RPS24: variants seen among roughly 807,000 people sequenced by gnomAD.
RPS24 encodes the protein ribosomal protein S24, also known as small ribosomal subunit protein eS24.
For synonymous variants in RPS24, 72 were observed against 55.6 expected, an observed-to-expected ratio of 1.30 and a Z score of -1.31; for missense variants, 100 against 162.5, an observed-to-expected ratio of 0.62 and a Z score of 2.09.
chr10:78,039,900 A>AC, intron 4 of RPS24: 1 of 462,802 alleles, frequency 2.2e-6, no homozygotes, highest in Non-Finnish European at 4.0e-6. Flanking sequence ...TACTTCATTG[A>AC]CAAGTGGGCA....
Position 78,037,592 on chromosome 10 carries a change from G to GT in RPS24, c.390+292dup. On this transcript the variant is annotated intron_variant, in intron 4 of 5. Coordinates refer to ENST00000372360, the MANE Select transcript of RPS24 (RefSeq NM_033022.4). The stretch of plus-strand genomic sequence containing the variant: ...GCACCTTTCAAGCCTATCACAAGAA[G>GT]TTTTAATTTTACTAATTGGCATAGA... 1.0e-5 allele frequency: 4 copies of GT among 397,328 alleles called. No individual in the cohort carries two copies. The South Asian group carries it at 1.0e-4, about 10-fold the overall frequency. 24.6% of individuals were successfully genotyped at this position (397,328 alleles called of 1,614,324 possible).
chr10:78,048,360 G>C (rs933742318), intron 4 of RPS24, among the ~76,000 whole-genome samples: 4 of 151,826 alleles, frequency 2.6e-5, no homozygotes, highest in African/African-American at 9.7e-5. Context: ...CATTGCCTCG[G>C]AGGGTCTTTG....
intron 4 of RPS24, among the ~76,000 whole-genome samples, chr10:78,046,107 A>G (rs1285799383): frequency 6.6e-6 from 1 of 152,102 alleles, no homozygotes; most frequent in Non-Finnish European, 1.5e-5. Flanking sequence ...AGGCTGCTTC[A>G]GGAAACTGGA....
At chr10:78,040,752 G>A (rs1201047672), downstream of RPS24, 1 of 1,309,014 alleles carries the variant, frequency 7.6e-7, no homozygotes, top group Non-Finnish European at 1.1e-6. Flanking sequence ...TAGGAGGTTA[G>A]TCTGCTGATT....
At chr10:78,042,029 ATAT>A (rs1847991512), downstream of RPS24, among the ~76,000 whole-genome samples, 2 of 152,276 alleles carry the variant, frequency 1.3e-5, no homozygotes, top group South Asian at 2.1e-4. Context: ...TTGGGTTGTG[ATAT>A]TATAGAAAAT....
At chr10:78,042,339 A>G (rs1847995285), downstream of RPS24, among the ~76,000 whole-genome samples, 2 of 152,072 alleles carry the variant, frequency 1.3e-5, no homozygotes, top group African/African-American at 4.8e-5. Flanking sequence ...TTTTTTGGGG[A>G]AGTCACCTGG....
chr10:78,054,893 C>G (rs898729393), exon 5 of RPS24: 4 of 1,542,438 alleles, frequency 2.6e-6, no homozygotes, highest in South Asian at 1.2e-5. Flanking sequence ...TGTCAGCAAC[C>G]TTGACTCTGT....
Position 78,047,827 on chromosome 10 carries a change from T to C in RPS24, c.391-6704T>C, listed in dbSNP as rs568326025. Among the ~76,000 whole-genome samples, 6 of 152,370 alleles carry C rather than the reference T, an allele frequency of 3.9e-5. No individual in the cohort carries two copies. The South Asian group carries it at 1.0e-3, about 26-fold the overall frequency. On this transcript the variant is annotated intron_variant, in intron 4 of 4. Coordinates refer to the RPS24 transcript ENST00000440692. ...GGGAACCCCAGCAGCCCGATTCTGC[T>C]TCAGCCTTCTGCCTACAGTGCTATG... is the stretch of plus-strand genomic sequence containing the variant.
intron 4 of RPS24, chr10:78,038,551 T>C (rs1589329514): frequency 6.7e-6 from 1 of 149,884 alleles, no homozygotes; most frequent in South Asian, 2.1e-4. Flanking sequence ...TTTTTTTTTT[T>C]TTTAAAATAG....
chr10:78,055,354 G>A (rs925269207), exon 5 of RPS24: 6 of 194,742 alleles, frequency 3.1e-5, no homozygotes, highest in South Asian at 2.0e-4. Context: ...ATGAAGCTGC[G>A]TGAAGTTAGA....
At chr10:78,037,696 A>C in intron 4 of RPS24, 5 of 338,502 alleles carry the variant, frequency 1.5e-5, no homozygotes, top group South Asian at 1.2e-4. Flanking sequence ...CAGTTGGATC[A>C]ATGTGGCCCG....
downstream of RPS24, among the ~76,000 whole-genome samples, chr10:78,044,339 G>T (rs1278690982): frequency 1.3e-5 from 2 of 152,140 alleles, no homozygotes; most frequent in Non-Finnish European, 2.9e-5. Flanking sequence ...ATTCTGCAAG[G>T]GGAAGAGAGG....
At chr10:78,043,388 T>G (rs1848007969), downstream of RPS24, among the ~76,000 whole-genome samples, 1 of 152,086 alleles carries the variant, frequency 6.6e-6, no homozygotes, top group South Asian at 2.1e-4. Context: ...TACCAGTGTC[T>G]CACCCATGAA....
rs1020277168 is a variant in RPS24 at position 78,037,211 on chromosome 10, G to A, written c.297G>A (p.Lys99=). Residue 99 remains lysine, a synonymous_variant, in exon 4 of 6, where the codon AAG becomes AAA. Transcript: ENST00000372360. ...TCATTCAGCATGGCCTGTATGAGAAGAAAAAGACCTCAAGAAAGCAACGAA... is the reference window on the plus strand; with the variant it reads ...TCATTCAGCATGGCCTGTATGAGAAAAAAAAGACCTCAAGAAAGCAACGAA... ...HRLARHGLYE[K]KKTSRKQRKE... The A allele has an allele frequency of 6.2e-7, 1 of 1,604,684 alleles. No homozygotes were observed. Among genetic ancestry groups the A allele is most frequent in the African/African-American group, 1.3e-5 (1 of 74,704 alleles).
chr10:78,033,940 G>T, intron 1 of RPS24, 36 bp downstream of exon 1: 1 of 1,613,520 alleles, frequency 6.2e-7, no homozygotes, highest in South Asian at 1.1e-5. Context: ...CATCTGCCGC[G>T]TATCCGAGCC....
At chr10:78,035,791 G>C in intron 3 of RPS24, 71 bp downstream of exon 3, 1 of 1,280,686 alleles carries the variant, frequency 7.8e-7, no homozygotes, top group Admixed American at 1.7e-5. Flanking sequence ...TTGTGAGTGT[G>C]GTAAAAAGGG....
intron 4 of RPS24, chr10:78,038,537 G>A (rs1352548497): frequency 7.2e-6 from 1 of 138,644 alleles, no homozygotes; most frequent in African/African-American, 3.1e-5. Context: ...TGTGCCTGGT[G>A]TCTTTTTTTT....
intron 4 of RPS24, chr10:78,048,939 T>C (rs181922405): frequency 6.6e-6 from 1 of 151,974 alleles, no homozygotes; most frequent in East Asian, 1.9e-4. Context: ...CAGCTGTCCT[T>C]GGTGGAGGAA....
At position 78,035,577 on chromosome 10, in the gene RPS24, A is replaced by G; in HGVS notation, c.136A>G (p.Lys46Glu). The G allele has an allele frequency of 6.2e-7, 1 of 1,614,062 alleles. No individual in the cohort carries two copies. The highest frequency in any genetic ancestry group is 1.3e-5 in the African/African-American group (1 of 75,064). Residue 46 changes from lysine (K) to glutamate (E), a missense_variant, in exon 3 of 6, where the codon AAA becomes GAA. Lys to Glu is a moderately conservative substitution (Grantham distance 56). Coordinates refer to ENST00000372360, the MANE Select transcript of RPS24 (RefSeq NM_033022.4). ...GACAGAAATTCGGGAAAAACTAGCCAAAATGTACAAGACCACACCGGATGT... is the reference window on the plus strand; with the variant it reads ...GACAGAAATTCGGGAAAAACTAGCCGAAATGTACAAGACCACACCGGATGT... ...PKTEIREKLAKMYKTTPDVIF... is the reference protein window; with the variant it reads ...PKTEIREKLAEMYKTTPDVIF...
Sources: allele counts gnomAD v4.1 joint callset (sites outside exome capture counted in the v4.1 genomes callset), GRCh38; gene constraint gnomAD v4.1.1; transcripts MANE v1.5; gene names NCBI Gene and HGNC (gene_info 2026-07-23, HGNC 2026-07-21).